ADAMTS8: variants seen among roughly 807,000 people sequenced by gnomAD.
The protein encoded by ADAMTS8 is ADAM metallopeptidase with thrombospondin type 1 motif 8.
ADAMTS8 carries 50 observed loss-of-function variants against 64.4 expected under a neutral mutation model. The ratio of observed to expected loss-of-function variants is 0.78; its 90% CI spans 0.62 to 0.98. The LOEUF (loss-of-function observed/expected upper bound fraction) is 0.98. Among genes scored for constraint, ADAMTS8 ranks in the 50% least tolerant of loss-of-function variants. ADAMTS8 has a pLI of 0.00. For synonymous variants in ADAMTS8, 556 were observed against 533.6 expected, an observed-to-expected ratio of 1.04 and a Z score of -0.58; for missense variants, 1,192 against 1,208.2, an observed-to-expected ratio of 0.99 and a Z score of 0.20.
chr11:130,408,214 C>T (rs1041477643), intron 8 of ADAMTS8, among the ~76,000 whole-genome samples: 1 of 152,102 alleles, frequency 6.6e-6, no homozygotes, highest in African/African-American at 2.4e-5. Flanking sequence ...CACGGCTGCC[C>T]TGTGTTCTAT....
At position 130,405,610 on chromosome 11, in the gene ADAMTS8, G is replaced by A. The variant is rs779715250; in HGVS notation, c.2618C>T (p.Ala873Val). Residue 873 changes from alanine to valine, a missense_variant, in exon 9 of 9, where the codon GCT becomes GTT. By Grantham distance (64) the Ala-to-Val change is moderately conservative. Coordinates refer to ENST00000257359, the MANE Select transcript of ADAMTS8 (RefSeq NM_007037.6). ...SGQASATCNKALKPEDAKPCE... is the reference protein window; with the variant it reads ...SGQASATCNKVLKPEDAKPCE... ...GGGCTTGGCATCCTCGGGTTTCAGA[G>A]CCTTGTTGCAGGTGGCAGAGGCCTG... The A allele has an allele frequency of 1.2e-6, 2 of 1,612,414 alleles. No individual in the cohort carries two copies. The highest frequency in any genetic ancestry group is 1.7e-5 in the Admixed American group (1 of 59,998).
intron 8 of ADAMTS8, 109 bp from the exon 9 acceptor site, chr11:130,406,237 CA>C: frequency 7.4e-7 from 1 of 1,353,030 alleles, no homozygotes. Context: ...ACGAAAAAAA[CA>C]AAGCAAGTAA....
chr11:130,407,419 T>C (rs1861897813), intron 8 of ADAMTS8, among the ~76,000 whole-genome samples: 1 of 152,128 alleles, frequency 6.6e-6, no homozygotes, highest in Non-Finnish European at 1.5e-5. Context: ...TTGCCTGCTG[T>C]AGGCTGATTC....
In ADAMTS8 at chr11:130,405,389, T is replaced by C. The variant is rs1175613226; in HGVS notation, c.*169A>G. 3.0e-5 allele frequency: 43 copies of C among 1,427,922 alleles called. No individual in the cohort carries two copies. Among genetic ancestry groups the C allele is most frequent in the South Asian group, 1.9e-4 (12 of 62,312 alleles). The allele number at this position is 1,427,922 out of a possible 1,614,324, so 88.5% of individuals were successfully genotyped here. On this transcript the variant is annotated 3_prime_UTR_variant, in exon 9 of 9. Coordinates refer to ENST00000257359, the MANE Select transcript of ADAMTS8 (RefSeq NM_007037.6). ...GTCTGCCGCCCCATACCCTCTCCTCTTCCCCCTTAGGAATTTGTGCAGTAC... is the reference window on the plus strand; with the variant it reads ...GTCTGCCGCCCCATACCCTCTCCTCCTCCCCCTTAGGAATTTGTGCAGTAC...
At position 130,408,959 on chromosome 11, in the gene ADAMTS8, G is replaced by A. The variant is rs981774942; in HGVS notation, c.1751-19C>T. ...CTTTTCCCTAGAAAGAGGAAGAAAC[G>A]GCATGGAGGTGACACCCATGCGGAA... On this transcript the variant is annotated intron_variant, in intron 6 of 8. Coordinates refer to ENST00000257359, the MANE Select transcript of ADAMTS8 (RefSeq NM_007037.6). The A allele has an allele frequency of 4.6e-6, 7 of 1,520,098 alleles. No individual in the cohort carries two copies. Among genetic ancestry groups the A allele is most frequent in the African/African-American group, 1.4e-5 (1 of 71,916 alleles). The allele number at this position is 1,520,098 out of a possible 1,614,324, so 94.2% of individuals were successfully genotyped here.
rs747352814 is a variant in ADAMTS8 at position 130,414,594 on chromosome 11, G to A, written c.1503C>T (p.Cys501=). The A allele has an allele frequency of 1.1e-5, 17 of 1,613,158 alleles. No individual in the cohort carries two copies. Among genetic ancestry groups the A allele is most frequent in the East Asian group, 6.7e-5 (3 of 44,870 alleles). Reference sequence around the variant, plus strand: ...CTTCTGAGCAGAGGTGCCCAGGCCCGCACGGCGTGCCGTCAGCCCAGGGCA... The same window carrying A: ...CTTCTGAGCAGAGGTGCCCAGGCCCACACGGCGTGCCGTCAGCCCAGGGCA... ...GSLPWADGTP[C]GPGHLCSEGS... Residue 501 remains cysteine (C), a synonymous_variant, in exon 5 of 9, where the codon TGC becomes TGT. Coordinates refer to ENST00000257359, the MANE Select transcript of ADAMTS8 (RefSeq NM_007037.6).
At position 130,428,160 on chromosome 11, in the gene ADAMTS8, G is replaced by T. The variant is rs764062809; in HGVS notation, c.127C>A (p.Pro43Thr). The change falls in exon 1 of 9, where the codon CCC becomes ACC. Residue 43 changes from proline to threonine, a missense_variant. Physicochemically the swap from Pro to Thr is conservative, Grantham distance 38. Transcript: ENST00000257359. The part of the protein sequence containing the change: ...AGGQASELVV[P>T]TRLPGSAGEL... The stretch of plus-strand genomic sequence containing the variant: ...CCCGCGCTGCCGGGCAACCGCGTGG[G>T]CACCACCAGCTCCGAGGCCTGCCCC... The T allele has an allele frequency of 4.1e-6, 6 of 1,467,316 alleles. No individual in the cohort carries two copies. In the African/African-American group the frequency reaches 8.9e-5, roughly 22 times the overall value. 90.9% of individuals were successfully genotyped at this position (1,467,316 alleles called of 1,614,324 possible).
chr11:130,428,120 T>A lies in ADAMTS8; in HGVS notation c.167A>T (p.His56Leu). The A allele has an allele frequency of 6.6e-7, 1 of 1,515,740 alleles. No individual in the cohort carries two copies. Among genetic ancestry groups the A allele is most frequent in the Admixed American group, 2.0e-5 (1 of 49,054 alleles). The allele number at this position is 1,515,740 out of a possible 1,614,324, so 93.9% of individuals were successfully genotyped here. A position where few individuals can be genotyped will look rare whatever the true frequency, so the allele number is the denominator to read the frequency against. Reference sequence around the variant, plus strand: ...GAAGCCCTTGCCGAAGGCGGACAGGTGGAGCGCGAGCTCGCCCGCGCTGCC... The same window carrying A: ...GAAGCCCTTGCCGAAGGCGGACAGGAGGAGCGCGAGCTCGCCCGCGCTGCC... Reference protein sequence around the residue: ...LPGSAGELALHLSAFGKGFVL... With the variant: ...LPGSAGELALLLSAFGKGFVL... Residue 56 changes from histidine (H) to leucine (L), a missense_variant, in exon 1 of 9, where the codon CAC becomes CTC. This residue lies in a region of ADAMTS8 where 741 missense variants were observed against 710.6 expected (regional missense o/e 1.04). Transcript: ENST00000257359.
At chr11:130,420,348 G>A (rs1406914779) in intron 1 of ADAMTS8, among the ~76,000 whole-genome samples, 1 of 152,202 alleles carries the variant, frequency 6.6e-6, no homozygotes, top group Non-Finnish European at 1.5e-5. Context: ...AAGGCTTGGA[G>A]AGAAGGCCAG....
chr11:130,427,341 T>G (rs532912334), intron 1 of ADAMTS8, among the ~76,000 whole-genome samples: 167 of 148,816 alleles, frequency 1.1e-3, no homozygotes, highest in African/African-American at 4.0e-3. Context: ...GACCTGGGGG[T>G]GGGGGCGCAG....
At position 130,416,753 on chromosome 11, in the gene ADAMTS8, G is replaced by A. The variant is rs1322018322; in HGVS notation, c.1096+187C>T. The stretch of plus-strand genomic sequence containing the variant: ...TTTTGTATTTTGGCCATGTGCTCGG[G>A]GTGGGAGCGGAGTTGTGTTCAGCAC... On this transcript the variant is annotated intron_variant, in intron 3 of 8. Coordinates refer to ENST00000257359, the MANE Select transcript of ADAMTS8 (RefSeq NM_007037.6). The surrounding 1 kb of genome is among the most constrained non-coding windows in gnomAD (Gnocchi z 4.8). Among the ~76,000 whole-genome samples the A allele has an allele frequency of 6.6e-6, 1 of 152,168 alleles. No individual in the cohort carries two copies. The highest frequency in any genetic ancestry group is 2.4e-5 in the African/African-American group (1 of 41,454).
At chr11:130,424,437 T>A (rs1862137320) in intron 1 of ADAMTS8, among the ~76,000 whole-genome samples, 1 of 152,242 alleles carries the variant, frequency 6.6e-6, no homozygotes, top group Non-Finnish European at 1.5e-5. Context: ...TGGCTCATCA[T>A]GAAGCAGCCA....
intron 1 of ADAMTS8, among the ~76,000 whole-genome samples, chr11:130,425,601 T>C (rs965342116): frequency 5.0e-5 from 7 of 139,962 alleles, no homozygotes; most frequent in Non-Finnish European, 1.0e-4. Context: ...TTTTTCTTTT[T>C]TCTTTTTTTT....
In ADAMTS8 at chr11:130,427,640, GAC is replaced by G. The variant is rs1862187771; in HGVS notation, c.645_646del (p.Ser216Ter). The G allele has an allele frequency of 6.3e-7, 1 of 1,581,302 alleles. No homozygotes were observed. The highest frequency in any genetic ancestry group is 1.2e-5 in the South Asian group (1 of 86,902). ...CAGCGTCTCCACGAAGCGCGCCTCA[GAC>G]ACAAACCGCTTGGTCCTACTCGTGG... On this transcript the variant is annotated frameshift_variant, in exon 1 of 9. Coordinates refer to ENST00000257359, the MANE Select transcript of ADAMTS8 (RefSeq NM_007037.6). LOFTEE classifies it high-confidence loss of function.
chr11:130,423,485 C>T (rs974369285), intron 1 of ADAMTS8, among the ~76,000 whole-genome samples: 18 of 152,302 alleles, frequency 1.2e-4, no homozygotes, highest in African/African-American at 4.1e-4. Context: ...CCAGAACAGG[C>T]AGAAACTGGG....
chr11:130,415,311 A>AT (rs960835461), intron 4 of ADAMTS8, among the ~76,000 whole-genome samples: 7 of 150,236 alleles, frequency 4.7e-5, no homozygotes, highest in African/African-American at 4.9e-5. Flanking sequence ...CTGAGAAGCA[A>AT]TTTTTTTTTT....
Position 130,405,074 on chromosome 11 carries a change from T to C in ADAMTS8, c.*484A>G. The C allele has an allele frequency of 1.0e-6, 1 of 988,884 alleles. No homozygotes were observed. The highest frequency in any genetic ancestry group is 1.1e-4 in the East Asian group (1 of 8,876). 61.3% of individuals were successfully genotyped at this position (988,884 alleles called of 1,614,324 possible). ...TGATGGATTTTAACACTGAAGACAG[T>C]CGTGGTCATTCTTGAAGACAGCTTG... is the stretch of plus-strand genomic sequence containing the variant. On this transcript the variant is annotated 3_prime_UTR_variant, in exon 9 of 9. Transcript: ENST00000257359.
At chr11:130,408,358 C>T in intron 8 of ADAMTS8, 106 bp downstream of exon 8, 1 of 1,371,652 alleles carries the variant, frequency 7.3e-7, no homozygotes, top group African/African-American at 1.4e-5. Flanking sequence ...TTGCCCAACC[C>T]TCACAGCTAT....
At chr11:130,424,010 T>C (rs1185259665) in intron 1 of ADAMTS8, among the ~76,000 whole-genome samples, 1 of 152,238 alleles carries the variant, frequency 6.6e-6, no homozygotes, top group Admixed American at 6.5e-5. Context: ...CGTAACATAG[T>C]GAGACCAGCT....
Sources: gnomAD v4.1 joint callset for allele counts (sites outside exome capture counted in the v4.1 genomes callset) on GRCh38, gnomAD v4.1.1 for gene constraint, gnomAD v4.1.1 regional missense constraint, Gnocchi (gnomAD v3.1) non-coding constraint, MANE v1.5 for transcripts, NCBI Gene and HGNC (gene_info 2026-07-23, HGNC 2026-07-21) for gene names.